ZNF521: variants seen among roughly 807,000 people sequenced by gnomAD.
ZNF521 encodes LYST-interacting protein 3.
A neutral mutation model predicts 105.5 loss-of-function variants in ZNF521; 14 were observed. The ratio of observed to expected loss-of-function variants is 0.13; its 90% CI spans 0.09 to 0.21. The LOEUF (loss-of-function observed/expected upper bound fraction) is 0.21. ZNF521 is among the 10% of genes least tolerant of loss of function. The pLI, the probability that ZNF521 is intolerant of heterozygous loss-of-function variation, is 1.00. For missense variants in ZNF521, 1,233 were observed against 1,629.7 expected (o/e 0.76, Z 4.19); for synonymous variants, 635 against 606.0 (o/e 1.05, Z -0.70).
intron 7 of ZNF521, among the ~76,000 whole-genome samples, chr18:25,073,908 A>C (rs1434297364): frequency 6.6e-6 from 1 of 152,210 alleles, no homozygotes; most frequent in Non-Finnish European, 1.5e-5. Flanking sequence ...CAAAAAAAAA[A>C]AAAGCTTGTC....
intron 6 of ZNF521, among the ~76,000 whole-genome samples, chr18:25,090,730 A>G (rs1312866853): frequency 6.6e-6 from 1 of 152,146 alleles, no homozygotes. Context: ...CTACAACATG[A>G]AAGACCTATT....
intron 2 of ZNF521, among the ~76,000 whole-genome samples, chr18:25,349,788 G>A (rs1230210789): frequency 3.3e-5 from 5 of 150,218 alleles, no homozygotes; most frequent in Non-Finnish European, 7.4e-5. Flanking sequence ...GACCCAGCGG[G>A]CCCGGGCGGG....
chr18:25,070,616 C>T (rs1005540300), intron 7 of ZNF521, among the ~76,000 whole-genome samples: 4 of 152,102 alleles, frequency 2.6e-5, no homozygotes, highest in Admixed American at 1.3e-4. Context: ...TGACATTTGG[C>T]GCTGGACAAT....
At chr18:25,341,458 T>G (rs924307842) in intron 2 of ZNF521, among the ~76,000 whole-genome samples, 4 of 152,196 alleles carry the variant, frequency 2.6e-5, no homozygotes, top group African/African-American at 7.2e-5. Context: ...GCTTCACCAT[T>G]GCACGATTAA....
At chr18:25,106,006 G>A (rs897132611) in intron 5 of ZNF521, among the ~76,000 whole-genome samples, 2 of 152,046 alleles carry the variant, frequency 1.3e-5, no homozygotes, top group Non-Finnish European at 2.9e-5. Flanking sequence ...CAAAAATGTG[G>A]TATTCGTTTT....
At chr18:25,119,364 C>T (rs2034390139) in intron 5 of ZNF521, among the ~76,000 whole-genome samples, 2 of 152,048 alleles carry the variant, frequency 1.3e-5, no homozygotes, top group African/African-American at 4.8e-5. Context: ...CTGCAGAATG[C>T]ATACTGTTTT....
intron 5 of ZNF521, among the ~76,000 whole-genome samples, chr18:25,101,000 A>T (rs540468446): frequency 6.6e-6 from 1 of 152,330 alleles, no homozygotes; most frequent in South Asian, 2.1e-4. Context: ...TCTGTGGCAC[A>T]TGCAGCTGTG....
At chr18:25,294,853 C>CAAAAAAAAA (rs34529787) in intron 3 of ZNF521, among the ~76,000 whole-genome samples, 14 of 59,528 alleles carry the variant, frequency 2.4e-4, no homozygotes, top group African/African-American at 1.1e-3. Flanking sequence ...GATTCTGTCT[C>CAAAAAAAAA]AAAAAAAAAA....
intron 3 of ZNF521, among the ~76,000 whole-genome samples, chr18:25,249,928 G>A (rs1452248023): frequency 6.6e-6 from 1 of 152,122 alleles, no homozygotes; most frequent in Non-Finnish European, 1.5e-5. Flanking sequence ...GCTAATGACT[G>A]TGAAATAATT....
At chr18:25,235,225 G>A (rs1052274335) in intron 3 of ZNF521, among the ~76,000 whole-genome samples, 4 of 152,142 alleles carry the variant, frequency 2.6e-5, no homozygotes, top group Admixed American at 6.5e-5. Context: ...AGTCCTTGAG[G>A]CCAATTCTAT....
intron 7 of ZNF521, among the ~76,000 whole-genome samples, chr18:25,071,237 A>G (rs1212154411): frequency 6.6e-6 from 1 of 152,216 alleles, no homozygotes; most frequent in Non-Finnish European, 1.5e-5. Context: ...AACGTAGTCA[A>G]TGGGTGAACG....
rs546516571 is a variant in ZNF521 at position 25,190,285 on chromosome 18, T to G, written c.3658+4875A>C. 3.9e-5 allele frequency among the ~76,000 whole-genome samples: 6 copies of G among 152,294 alleles called. No homozygotes were observed. In the East Asian group the frequency reaches 1.2e-3, roughly 29 times the overall value. The stretch of plus-strand genomic sequence containing the variant: ...AAAAAGGGTTCAGTCATCTTCTCAT[T>G]TAGAATGAATGTAAATCAAGGTTCC... On this transcript the variant is annotated intron_variant, in intron 5 of 7. Transcript: ENST00000361524.
chr18:25,319,595 C>CAA (rs67059898), intron 3 of ZNF521, among the ~76,000 whole-genome samples: 1 of 114,498 alleles, frequency 8.7e-6, no homozygotes. Context: ...GACTCCATCA[C>CAA]AAAAAAAAAA....
intron 2 of ZNF521, among the ~76,000 whole-genome samples, chr18:25,335,339 G>A (rs1319964410): frequency 6.6e-6 from 1 of 152,098 alleles, no homozygotes; most frequent in South Asian, 2.1e-4. Flanking sequence ...TTTGGGTCTT[G>A]GAGACAGCAA....
At chr18:25,075,251 T>C (rs948385317) in intron 7 of ZNF521, among the ~76,000 whole-genome samples, 1 of 152,156 alleles carries the variant, frequency 6.6e-6, no homozygotes, top group Non-Finnish European at 1.5e-5. Context: ...GCAAAATTTA[T>C]AAAAGAATAA....
At chr18:25,333,522 C>CA (rs902560767) in intron 2 of ZNF521, among the ~76,000 whole-genome samples, 16 of 150,146 alleles carry the variant, frequency 1.1e-4, no homozygotes, top group Non-Finnish European at 1.5e-4. Context: ...CAACACCACC[C>CA]AAAAAAAAAG....
rs184023953 is a variant in ZNF521 at position 25,267,092 on chromosome 18, G to T, written c.221-39395C>A. ...CTGGGATGCTTGAGCTTGGTGGGGG[G>T]AGGGGCGTCCGCCATTGCTGAGGCT... On this transcript the variant is annotated intron_variant, in intron 3 of 7. Transcript: ENST00000361524. Among the ~76,000 whole-genome samples, 819 of 152,286 alleles carry T rather than the reference G, an allele frequency of 5.4e-3. 8 individuals carry two copies. The highest frequency in any genetic ancestry group is 7.3e-3 in the Non-Finnish European group (498 of 68,026).
intron 3 of ZNF521, among the ~76,000 whole-genome samples, chr18:25,231,936 T>C (rs1215448390): frequency 6.6e-6 from 1 of 152,194 alleles, no homozygotes; most frequent in Non-Finnish European, 1.5e-5. Context: ...ATGTTCTTCA[T>C]AGGGCCTGGT....
At chr18:25,153,621 C>T (rs552376487) in intron 5 of ZNF521, among the ~76,000 whole-genome samples, 33 of 152,294 alleles carry the variant, frequency 2.2e-4, no homozygotes, top group African/African-American at 6.0e-4. Flanking sequence ...AACTGCACTG[C>T]GGATGTCTCC....
Sources: gnomAD v4.1 joint callset for allele counts (sites outside exome capture counted in the v4.1 genomes callset) on GRCh38, gnomAD v4.1.1 for gene constraint, MANE v1.5 for transcripts, NCBI Gene and HGNC (gene_info 2026-07-23, HGNC 2026-07-21) for gene names.